The following SYNE1 variants were observed in gnomAD, a reference collection of about 807,000 sequenced individuals.
SYNE1 encodes the protein nesprin-1.
In SYNE1, 616 loss-of-function variants were observed where a neutral mutation model predicts 1,111.0. The observed-to-expected ratio is 0.55, with a 90% CI of 0.52 to 0.59. SYNE1 has a LOEUF of 0.59. Ranked by LOEUF, SYNE1 falls within the 20% of genes least tolerant of loss-of-function variation. The pLI is 0.00. For synonymous variants in SYNE1, 3,855 were observed against 3,825.8 expected (o/e 1.01, Z -0.28); for missense variants, 10,006 against 10,417.0 (o/e 0.96, Z 1.72).
chr6:152,612,033 C>CG (rs1565187867), intron 3 of SYNE1, among the ~76,000 whole-genome samples: 1 of 151,288 alleles, frequency 6.6e-6, no homozygotes, highest in African/African-American at 2.4e-5. Flanking sequence ...TAAATGCCCA[C>CG]AGAGAAAGCA....
intron 130 of SYNE1, chr6:152,168,403 G>A (rs1283331149): frequency 1.8e-6 from 1 of 557,628 alleles, no homozygotes; most frequent in East Asian, 2.9e-5. Flanking sequence ...TCATTAACAT[G>A]TGCCAGGCTT....
intron 130 of SYNE1, among the ~76,000 whole-genome samples, chr6:152,165,861 A>T (rs536045465): frequency 1.3e-5 from 2 of 152,342 alleles, no homozygotes; most frequent in Admixed American, 6.5e-5. Context: ...TACAAAGCTC[A>T]TGGAGTGCAT....
At chr6:152,470,075 G>A (rs1301654474) in intron 16 of SYNE1, among the ~76,000 whole-genome samples, 1 of 152,202 alleles carries the variant, frequency 6.6e-6, no homozygotes. Context: ...TGCTACGTAT[G>A]TAGGATAATC....
chr6:152,562,809 A>T (rs552188747), intron 3 of SYNE1, among the ~76,000 whole-genome samples: 11 of 152,278 alleles, frequency 7.2e-5, no homozygotes, highest in African/African-American at 2.2e-4. Context: ...ATATTTTTTT[A>T]AAAAACTCTA....
At chr6:152,406,451 T>G (rs2097902142) in intron 45 of SYNE1, among the ~76,000 whole-genome samples, 1 of 148,868 alleles carries the variant, frequency 6.7e-6, no homozygotes, top group African/African-American at 2.5e-5. Context: ...ACTAATGATT[T>G]AAAGAGCCCT....
chr6:152,398,554 T>G, intron 49 of SYNE1, 65 bp downstream of exon 49: 8 of 1,310,472 alleles, frequency 6.1e-6, no homozygotes, highest in Non-Finnish European at 8.8e-6. Flanking sequence ...TGAGATAACT[T>G]AGGTCTGCCT....
intron 14 of SYNE1, among the ~76,000 whole-genome samples, chr6:152,480,495 T>C (rs2154291559): frequency 6.6e-6 from 1 of 152,338 alleles, no homozygotes; most frequent in East Asian, 1.9e-4. Context: ...CATTCCAGTC[T>C]GAGAGTGACA....
chr6:152,302,141 A>G (rs955718672), intron 91 of SYNE1, 78 bp from the exon 92 acceptor site: 20 of 1,574,078 alleles, frequency 1.3e-5, no homozygotes, highest in Middle Eastern at 3.6e-4. Flanking sequence ...ATCTTCCTGC[A>G]GGGCGAGCCA....
intron 29 of SYNE1, 39 bp from the exon 30 acceptor site, chr6:152,444,617 G>A: frequency 6.4e-7 from 1 of 1,557,732 alleles, no homozygotes; most frequent in Non-Finnish European, 8.7e-7. Context: ...TAAATCATAT[G>A]CTACTTGTTG....
chr6:152,406,509 T>C (rs1338099572), intron 45 of SYNE1, among the ~76,000 whole-genome samples: 1 of 151,784 alleles, frequency 6.6e-6, no homozygotes, highest in African/African-American at 2.4e-5. Flanking sequence ...CTTTTATTCA[T>C]AACCTGTTCA....
intron 3 of SYNE1, among the ~76,000 whole-genome samples, chr6:152,584,434 CTTATT>C (rs1271733079): frequency 2.0e-5 from 3 of 152,028 alleles, no homozygotes; most frequent in Non-Finnish European, 4.4e-5. Context: ...TGTATCCCTA[CTTATT>C]TTATTTATTT....
At chr6:152,231,985 T>G in intron 113 of SYNE1, 131 bp downstream of exon 113, 1 of 660,104 alleles carries the variant, frequency 1.5e-6, no homozygotes, top group Middle Eastern at 4.3e-4. Context: ...TTCTTGCTAT[T>G]GAATTCCTAT....
chr6:152,531,863 G>A (rs992759988), intron 4 of SYNE1, among the ~76,000 whole-genome samples: 1 of 152,116 alleles, frequency 6.6e-6, no homozygotes, highest in South Asian at 2.1e-4. Context: ...GTATTCCATT[G>A]TATGGATATA....
Position 152,455,058 on chromosome 6 carries a change from T to C in SYNE1, c.2892+368A>G, listed in dbSNP as rs1279879480. Among the ~76,000 whole-genome samples the C allele has an allele frequency of 2.6e-5, 4 of 152,224 alleles. 1 individual carries two copies. The highest frequency in any genetic ancestry group is 1.5e-5 in the Non-Finnish European group (1 of 68,038). On this transcript the variant is annotated intron_variant, in intron 24 of 145. Transcript: ENST00000367255. ...GTGACACAGTATCTATACTATGATATGGTGAATGTATAAAATGAGCACAAA... is the reference window on the plus strand; with the variant it reads ...GTGACACAGTATCTATACTATGATACGGTGAATGTATAAAATGAGCACAAA...
intron 3 of SYNE1, among the ~76,000 whole-genome samples, chr6:152,596,620 A>G (rs1239117337): frequency 6.6e-6 from 1 of 152,176 alleles, no homozygotes; most frequent in African/African-American, 2.4e-5. Context: ...TCCACTATGC[A>G]TGGTGACTGG....
chr6:152,161,933 C>A (rs113816423), intron 131 of SYNE1, among the ~76,000 whole-genome samples: 18 of 152,266 alleles, frequency 1.2e-4, no homozygotes, highest in African/African-American at 3.6e-4. Context: ...GGCTGGGAGC[C>A]CTAGCATTTG....
chr6:152,616,962 T>G (rs184430993), intron 3 of SYNE1, among the ~76,000 whole-genome samples: 4 of 152,300 alleles, frequency 2.6e-5, no homozygotes, highest in Admixed American at 2.6e-4. Flanking sequence ...GTAGCCAGGC[T>G]TGCCGCCTAT....
At chr6:152,168,717 G>A (rs2064310983) in intron 130 of SYNE1, among the ~76,000 whole-genome samples, 1 of 152,138 alleles carries the variant, frequency 6.6e-6, no homozygotes, top group Admixed American at 6.5e-5. Context: ...GGTAGTGTAT[G>A]CAAGAGTTTT....
In SYNE1 at chr6:152,373,055, T is replaced by C. The variant is rs35379711; in HGVS notation, c.9489A>G (p.Gln3163=). ...DWKNFHSNLH[Q]KESALENLKI... ...TATATACCTCTAGAGCAGATTCTTT[T>C]TGGTGGAGATTTGAATGAAAATTTT... The change falls in exon 59 of 146, where the codon CAA becomes CAG. Residue 3163 remains glutamine, a synonymous_variant. Transcript: ENST00000367255. 1.3e-3 allele frequency: 2,069 copies of C among 1,614,148 alleles called. 9 individuals are homozygous for C. The Middle Eastern group carries it at 0.016, about 12-fold the overall frequency.
Sources: allele counts gnomAD v4.1 joint callset (sites outside exome capture counted in the v4.1 genomes callset), GRCh38; gene constraint gnomAD v4.1.1; transcripts MANE v1.5; gene names NCBI Gene and HGNC (gene_info 2026-07-23, HGNC 2026-07-21).